Variants in SLC9A9 observed in about 807,000 individuals in gnomAD.
The protein encoded by SLC9A9 is solute carrier family 9 member A9.
A neutral mutation model predicts 77.8 loss-of-function variants in SLC9A9; 62 were observed. The ratio of observed to expected loss-of-function variants is 0.80; its 90% CI spans 0.65 to 0.98. The LOEUF is 0.98. Ranked by LOEUF, SLC9A9 falls within the 50% of genes least tolerant of loss-of-function variation. The probability of loss-of-function intolerance (pLI) is 0.00; values close to 1 mark genes in which losing one functional copy is unlikely to be tolerated. For synonymous variants in SLC9A9, 320 were observed against 283.5 expected, an observed-to-expected ratio of 1.13 and a Z score of -1.29; for missense variants, 775 against 774.9, an observed-to-expected ratio of 1.00 and a Z score of 0.00.
chr3:143,622,651 T>C (rs192519990), intron 6 of SLC9A9, among the ~76,000 whole-genome samples: 1,592 of 152,014 alleles, frequency 0.01, 14 homozygotes, highest in Non-Finnish European at 0.017. Flanking sequence ...CTACCAGCCA[T>C]TGCAAAAACA....
chr3:143,365,806 G>T (rs2032885721), intron 13 of SLC9A9, among the ~76,000 whole-genome samples: 1 of 152,130 alleles, frequency 6.6e-6, no homozygotes, highest in Non-Finnish European at 1.5e-5. Flanking sequence ...TCAAACATCT[G>T]CAAACTGTTT....
chr3:143,718,279 A>G (rs2108800882), intron 4 of SLC9A9, among the ~76,000 whole-genome samples: 1 of 152,310 alleles, frequency 6.6e-6, no homozygotes, highest in East Asian at 1.9e-4. Context: ...TTTGATTTGC[A>G]CTGTTTACTT....
At chr3:143,482,461 G>A (rs777288725) in intron 11 of SLC9A9, among the ~76,000 whole-genome samples, 1 of 152,218 alleles carries the variant, frequency 6.6e-6, no homozygotes, top group Non-Finnish European at 1.5e-5. Context: ...CTTCTCAAAA[G>A]TGCAGCAGAA....
intron 8 of SLC9A9, among the ~76,000 whole-genome samples, chr3:143,554,281 T>A (rs771420682): frequency 6.6e-6 from 1 of 152,210 alleles, no homozygotes. Context: ...ATCTTCTTAT[T>A]TACTGCAGTG....
intron 14 of SLC9A9, among the ~76,000 whole-genome samples, chr3:143,308,359 G>A (rs1411026447): frequency 1.3e-5 from 2 of 152,036 alleles, no homozygotes; most frequent in South Asian, 2.1e-4. Flanking sequence ...GGCGGATCAC[G>A]AGGCCAGGAG....
rs56165748 is a variant in SLC9A9 at position 143,269,744 on chromosome 3, C to T, written c.1605-764G>A. ...CATTCCATCAGAAATGACTTTTAAG[C>T]TTTATATTACTTCCTCTGCTGGAGA... On this transcript the variant is annotated intron_variant, in intron 14 of 15. Transcript: ENST00000316549. Among the ~76,000 whole-genome samples, 1,255 of 152,292 alleles carry T rather than the reference C, an allele frequency of 8.2e-3. 20 individuals carry two copies. The highest frequency in any genetic ancestry group is 0.028 in the African/African-American group (1,181 of 41,554).
At chr3:143,773,354 C>T (rs769345954) in intron 4 of SLC9A9, among the ~76,000 whole-genome samples, 29 of 152,182 alleles carry the variant, frequency 1.9e-4, no homozygotes, top group African/African-American at 6.5e-4. Context: ...AATACATGTA[C>T]ACAACCTCAA....
At chr3:143,594,896 T>C (rs2037727912) in intron 6 of SLC9A9, among the ~76,000 whole-genome samples, 1 of 152,250 alleles carries the variant, frequency 6.6e-6, no homozygotes, top group East Asian at 1.9e-4. Context: ...AATGTTTGGC[T>C]TGTTATCTGG....
chr3:143,488,646 G>C (rs1178825482), intron 11 of SLC9A9, among the ~76,000 whole-genome samples: 1 of 151,836 alleles, frequency 6.6e-6, no homozygotes, highest in East Asian at 1.9e-4. Flanking sequence ...AAGGAGAAAA[G>C]TACATGATCA....
At chr3:143,558,994 T>A (rs1194473340) in intron 8 of SLC9A9, among the ~76,000 whole-genome samples, 1 of 152,118 alleles carries the variant, frequency 6.6e-6, no homozygotes, top group Non-Finnish European at 1.5e-5. Context: ...GTTTCCCCCA[T>A]GCTGTTCTCA....
intron 6 of SLC9A9, among the ~76,000 whole-genome samples, chr3:143,580,369 A>G (rs892505991): frequency 1.3e-5 from 2 of 152,184 alleles, no homozygotes; most frequent in Non-Finnish European, 1.5e-5. Context: ...GGTTGCCACT[A>G]GTAGATCTGA....
chr3:143,338,045 A>C (rs2031981003), intron 14 of SLC9A9, among the ~76,000 whole-genome samples: 1 of 152,202 alleles, frequency 6.6e-6, no homozygotes, highest in African/African-American at 2.4e-5. Context: ...GTCTCTTTAA[A>C]TTAAAAGCCC....
Position 143,532,508 on chromosome 3 carries a change from T to C in SLC9A9, c.1089+19854A>G, listed in dbSNP as rs549843340. ...ACTTCTAAAAAGATATACACCAGTC[T>C]CTAATACAGCAGTTACTTCTTGAGT... is the stretch of plus-strand genomic sequence containing the variant. On this transcript the variant is annotated intron_variant, in intron 9 of 15. Transcript: ENST00000316549. Among the ~76,000 whole-genome samples, 7 of 152,348 alleles carry C rather than the reference T, an allele frequency of 4.6e-5. No individual in the cohort carries two copies. In the East Asian group the frequency reaches 1.2e-3, roughly 25 times the overall value.
chr3:143,351,556 G>T (rs181814377), intron 14 of SLC9A9, among the ~76,000 whole-genome samples: 1 of 151,968 alleles, frequency 6.6e-6, no homozygotes. Context: ...AGTTGATGGT[G>T]GGGGGGAGTA....
intron 4 of SLC9A9, among the ~76,000 whole-genome samples, chr3:143,715,503 C>T (rs923860342): frequency 4.6e-5 from 7 of 152,176 alleles, no homozygotes; most frequent in African/African-American, 1.7e-4. Context: ...TTTTATAATG[C>T]CTATACTTTC....
intron 10 of SLC9A9, 143 bp from the exon 11 acceptor site, chr3:143,493,907 A>G (rs2035791302): frequency 1.5e-6 from 1 of 681,074 alleles, no homozygotes; most frequent in Non-Finnish European, 2.6e-6. Flanking sequence ...CATTTGTCCA[A>G]CTTGCTTCCA....
At chr3:143,369,365 T>G (rs866803039) in intron 13 of SLC9A9, among the ~76,000 whole-genome samples, 1 of 151,958 alleles carries the variant, frequency 6.6e-6, no homozygotes. Flanking sequence ...GAGGGGAGGA[T>G]AGAGAGAGGT....
At chr3:143,756,642 T>C (rs1342150416) in intron 4 of SLC9A9, among the ~76,000 whole-genome samples, 2 of 152,214 alleles carry the variant, frequency 1.3e-5, no homozygotes, top group Non-Finnish European at 2.9e-5. Flanking sequence ...GGATAGATAA[T>C]CTATTTTTAT....
chr3:143,632,098 C>A (rs116118887), intron 6 of SLC9A9, among the ~76,000 whole-genome samples: 1 of 152,140 alleles, frequency 6.6e-6, no homozygotes, highest in African/African-American at 2.4e-5. Context: ...ACCTTTAACT[C>A]CTTGTCTCAC....
Sources: allele counts gnomAD v4.1 joint callset (sites outside exome capture counted in the v4.1 genomes callset), GRCh38; gene constraint gnomAD v4.1.1; transcripts MANE v1.5; gene names NCBI Gene and HGNC (gene_info 2026-07-23, HGNC 2026-07-21).